The following PLCZ1 variants were observed in gnomAD, a reference collection of about 807,000 sequenced individuals.
PLCZ1 encodes phospholipase C zeta 1.
A neutral mutation model predicts 76.8 loss-of-function variants in PLCZ1; 64 were observed. That is an observed-to-expected ratio of 0.83 (90% CI 0.68 to 1.03). PLCZ1 has a LOEUF of 1.03. Ranked by LOEUF, PLCZ1 falls within the 50% of genes least tolerant of loss-of-function variation. The pLI is 0.00. For missense variants in PLCZ1, 751 were observed against 713.7 expected (o/e 1.05, Z -0.60); for synonymous variants, 248 against 230.8 (o/e 1.07, Z -0.68).
At chr12:18,658,892 T>A in the PLCZ1 span, among the ~76,000 whole-genome samples, 1 of 152,186 alleles carries the variant, frequency 6.6e-6, no homozygotes, top group Non-Finnish European at 1.5e-5. Context: ...ATGAAACCTG[T>A]AAAAATGAGA....
intron 3 of PLCZ1, among the ~76,000 whole-genome samples, chr12:18,730,815 T>C (rs1005129599): frequency 6.6e-6 from 1 of 152,200 alleles, no homozygotes; most frequent in African/African-American, 2.4e-5. Context: ...TTGATACAGA[T>C]TTCAATATAT....
At chr12:18,731,073 A>G (rs1284607312) in intron 3 of PLCZ1, 1 of 152,004 alleles carries the variant, frequency 6.6e-6, no homozygotes, top group African/African-American at 2.4e-5. Context: ...TGAGAAGTAC[A>G]ACTTTTCTTT....
At chr12:18,673,661 C>T in the PLCZ1 span, among the ~76,000 whole-genome samples, 1 of 152,160 alleles carries the variant, frequency 6.6e-6, no homozygotes, top group Non-Finnish European at 1.5e-5. Flanking sequence ...TGTCAGAAAT[C>T]CAGGCACAGC....
chr12:18,650,698 GTGTGTGTATA>G, the PLCZ1 span, among the ~76,000 whole-genome samples: 9 of 29,106 alleles, frequency 3.1e-4, no homozygotes, highest in African/African-American at 1.2e-3. Flanking sequence ...GTGTGTGTGT[GTGTGTGTATA>G]TATCTATATA....
At chr12:18,730,947 G>C (rs868644927) in intron 3 of PLCZ1, 1 of 152,102 alleles carries the variant, frequency 6.6e-6, no homozygotes, top group Non-Finnish European at 1.5e-5. Flanking sequence ...AAAAACTTGT[G>C]TTCTTTGAAT....
rs114234663 is a variant in PLCZ1 at position 18,717,386 on chromosome 12, A to G, written c.569+2045T>C. 4.7e-3 allele frequency among the ~76,000 whole-genome samples: 710 copies of G among 152,304 alleles called. 8 individuals are homozygous for G. Among genetic ancestry groups the G allele is most frequent in the African/African-American group, 0.017 (687 of 41,570 alleles). ...TAGATTTGAAATTAGAGAAGCAGCA[A>G]TATTTACTTGTATGTTTGATATTAT... On this transcript the variant is annotated intron_variant, in intron 5 of 14. Transcript: ENST00000266505.
intron 6 of PLCZ1, among the ~76,000 whole-genome samples, chr12:18,711,881 G>A (rs569071812): frequency 2.0e-5 from 3 of 151,944 alleles, no homozygotes; most frequent in Non-Finnish European, 2.9e-5. Flanking sequence ...GAGAATCAGT[G>A]CCATACTCTC....
intron 10 of PLCZ1, among the ~76,000 whole-genome samples, chr12:18,698,319 T>A (rs1299631020): frequency 6.6e-6 from 1 of 152,002 alleles, no homozygotes; most frequent in Non-Finnish European, 1.5e-5. Flanking sequence ...CCCATTCCAT[T>A]CTACTCTATA....
chr12:18,699,923 A>G lies in PLCZ1; in HGVS notation c.1045T>C (p.Leu349=), dbSNP rs1955656208. The part of the protein sequence containing the change: ...KTRKLKIALA[L]SDLVIYTKAE... ...TTCGTATAAATGACAAGATCAGATA[A>G]GGCCAGAGCAATTTTTAGCTTCCTG... is the stretch of plus-strand genomic sequence containing the variant. The change falls in exon 10 of 15, where the codon TTA becomes CTA. Residue 349 remains leucine, a synonymous_variant. Coordinates refer to ENST00000266505, the MANE Select transcript of PLCZ1 (RefSeq NM_033123.4). The G allele has an allele frequency of 6.2e-7, 1 of 1,611,558 alleles. No individual in the cohort carries two copies. The highest frequency in any genetic ancestry group is 1.7e-5 in the Admixed American group (1 of 59,938).
At chr12:18,694,165 G>T in intron 12 of PLCZ1, 1 of 705,684 alleles carries the variant, frequency 1.4e-6, no homozygotes. Flanking sequence ...GATGAGGCTG[G>T]GGGAGTTGCC....
intron 5 of PLCZ1, among the ~76,000 whole-genome samples, chr12:18,713,208 C>T (rs563508869): frequency 1.1e-4 from 17 of 152,104 alleles, no homozygotes; most frequent in African/African-American, 2.9e-4. Context: ...GTGTCTTTCT[C>T]GCTAGTCAAA....
chr12:18,683,526 T>C, intron 14 of PLCZ1: 2 of 1,512,806 alleles, frequency 1.3e-6, no homozygotes, highest in South Asian at 1.2e-5. Flanking sequence ...TGCCCAAAAC[T>C]GAATACACAG....
intron 11 of PLCZ1, among the ~76,000 whole-genome samples, chr12:18,695,525 T>C (rs1565670137): frequency 6.6e-6 from 1 of 152,132 alleles, no homozygotes; most frequent in Admixed American, 6.6e-5. Flanking sequence ...CGTTACAATA[T>C]GGAAGTACCT....
rs879710651 is a variant in PLCZ1, at chr12:18,693,495, CA to C, written c.1461+1414del. On this transcript the variant is annotated intron_variant, in intron 12 of 14. Transcript: ENST00000266505. ...AAAACCTTGTTAGCCAAAGCAGTAG[CA>C]AACCAAACCTCAGCCACTTTCTTGA... 41 of 1,609,888 alleles carry C rather than the reference CA, an allele frequency of 2.5e-5. No homozygotes were observed. In the African/African-American group the frequency reaches 4.1e-4, roughly 16 times the overall value.
At chr12:18,655,988 T>C in the PLCZ1 span, among the ~76,000 whole-genome samples, 48 of 152,308 alleles carry the variant, frequency 3.2e-4, no homozygotes, top group African/African-American at 1.1e-3. Flanking sequence ...TAAATTTTAA[T>C]TAAAGTGGAC....
chr12:18,675,880 G>A, the PLCZ1 span, among the ~76,000 whole-genome samples: 1 of 151,850 alleles, frequency 6.6e-6, no homozygotes, highest in African/African-American at 2.4e-5. Context: ...AGGGTGGGAG[G>A]GGGGTGAGGT....
intron 3 of PLCZ1, among the ~76,000 whole-genome samples, chr12:18,724,555 C>A (rs1958639939): frequency 6.6e-6 from 1 of 152,044 alleles, no homozygotes; most frequent in African/African-American, 2.4e-5. Context: ...ATGGTGGGAT[C>A]TGTGGTTGTC....
chr12:18,701,544 CCT>C lies in PLCZ1; in HGVS notation c.972_973del (p.Val326LysfsTer25), dbSNP rs777169092. On this transcript the variant is annotated frameshift_variant, in exon 9 of 15. Transcript: ENST00000266505. LOFTEE classifies it high-confidence loss of function. ...CATTACTCCAGGTAACTTTTTTACC[CCT>C]GTTTCCTTGTCTTGATTGTCTCCTA... The C allele has an allele frequency of 3.7e-5, 59 of 1,613,668 alleles. No homozygotes were observed. The highest frequency in any genetic ancestry group is 9.4e-5 in the African/African-American group (7 of 74,816).
At chr12:18,698,613 A>G (rs746766712) in intron 10 of PLCZ1, among the ~76,000 whole-genome samples, 1 of 152,134 alleles carries the variant, frequency 6.6e-6, no homozygotes, top group African/African-American at 2.4e-5. Context: ...GTATTTCTAC[A>G]CAAGATGGTA....
Sources: allele counts gnomAD v4.1 joint callset (sites outside exome capture counted in the v4.1 genomes callset), GRCh38; gene constraint gnomAD v4.1.1; transcripts MANE v1.5; gene names NCBI Gene and HGNC (gene_info 2026-07-23, HGNC 2026-07-21).